CNTNAP2: variants seen among roughly 807,000 people sequenced by gnomAD.
CNTNAP2 encodes contactin-associated protein-like 2.
CNTNAP2 carries 98 observed loss-of-function variants against 155.2 expected under a neutral mutation model. The ratio of observed to expected loss-of-function variants is 0.63; its 90% CI spans 0.54 to 0.75. The LOEUF (loss-of-function observed/expected upper bound fraction) is 0.75, where lower values mean the gene tolerates loss of function less well. Ranked by LOEUF, CNTNAP2 falls within the 30% of genes least tolerant of loss-of-function variation. The pLI, the probability that CNTNAP2 is intolerant of heterozygous loss-of-function variation, is 0.00. For synonymous variants in CNTNAP2, 651 were observed against 631.2 expected (o/e 1.03, Z -0.47); for missense variants, 1,727 against 1,688.1 (o/e 1.02, Z -0.40).
chr7:146,840,111 T>C (rs1240499121), intron 3 of CNTNAP2, among the ~76,000 whole-genome samples: 3 of 152,212 alleles, frequency 2.0e-5, no homozygotes, highest in African/African-American at 7.2e-5. Flanking sequence ...ATCTGGACTA[T>C]GAATTTGAAT....
chr7:147,964,255 C>G (rs1031976365), intron 14 of CNTNAP2, among the ~76,000 whole-genome samples: 2 of 152,124 alleles, frequency 1.3e-5, no homozygotes, highest in Admixed American at 1.3e-4. Flanking sequence ...TCTTGGACTT[C>G]AAGCTTTCAA....
Position 146,404,127 on chromosome 7 carries a change from A to AAAAAAAAAAAAAC in CNTNAP2, c.97+287166_97+287167insCAAAAAAAAAAAA, listed in dbSNP as rs1259300736. ...GCGACAGAGCGAGACTCCGTCTCAA[A>AAAAAAAAAAAAAC]AAAAAAAAAAAAAAACAAAGAACTT... is the stretch of plus-strand genomic sequence containing the variant. On this transcript the variant is annotated intron_variant, in intron 1 of 23. Transcript: ENST00000361727. Among the ~76,000 whole-genome samples, 109 of 140,672 alleles carry AAAAAAAAAAAAAC rather than the reference A, an allele frequency of 7.7e-4. 2 individuals are homozygous for AAAAAAAAAAAAAC. The highest frequency in any genetic ancestry group is 2.9e-3 in the African/African-American group (102 of 35,252). 92.3% of individuals were successfully genotyped at this position (140,672 alleles called of 152,430 possible). A position where few individuals can be genotyped will look rare whatever the true frequency, so the allele number is the denominator to read the frequency against.
intron 1 of CNTNAP2, among the ~76,000 whole-genome samples, chr7:146,385,206 A>G (rs575077606): frequency 6.6e-6 from 1 of 152,230 alleles, no homozygotes; most frequent in African/African-American, 2.4e-5. Context: ...ACTGATATAA[A>G]TTATTCATAA....
intron 4 of CNTNAP2, among the ~76,000 whole-genome samples, chr7:147,056,791 G>C (rs528154712): frequency 4.0e-5 from 6 of 151,644 alleles, no homozygotes; most frequent in Non-Finnish European, 7.4e-5. Flanking sequence ...GTTTGTTTTG[G>C]AGACATTCTC....
chr7:146,735,538 G>A lies in CNTNAP2; in HGVS notation c.98-38733G>A, dbSNP rs574377565. 1.5e-3 allele frequency among the ~76,000 whole-genome samples: 230 copies of A among 152,168 alleles called. 2 individuals carry two copies. The highest frequency in any genetic ancestry group is 5.2e-3 in the African/African-American group (214 of 41,516). On this transcript the variant is annotated intron_variant, in intron 1 of 23. Coordinates refer to ENST00000361727, the MANE Select transcript of CNTNAP2 (RefSeq NM_014141.6). ...CCACTGCACTCCAGCCTGGGCAACA[G>A]AGCAAGACTCTGTCTCAAAAAAACA...
chr7:147,980,777 A>C (rs1056400689), intron 15 of CNTNAP2, among the ~76,000 whole-genome samples: 9 of 150,618 alleles, frequency 6.0e-5, no homozygotes. Flanking sequence ...ACAAAAAAAA[A>C]AAAATTAGCC....
In CNTNAP2 at chr7:146,490,499, A is replaced by T. The variant is rs753540905; in HGVS notation, c.98-283772A>T. 7.6e-4 allele frequency among the ~76,000 whole-genome samples: 116 copies of T among 152,338 alleles called. 7 individuals are homozygous for T. Among genetic ancestry groups the T allele is most frequent in the Non-Finnish European group, 1.9e-4 (13 of 68,026 alleles). ...TTTCCCGCGACATAACTTTTGAGTA[A>T]AGGCTGATAAATGTTTGTTGAGTGA... On this transcript the variant is annotated intron_variant, in intron 1 of 23. Transcript: ENST00000361727.
intron 13 of CNTNAP2, among the ~76,000 whole-genome samples, chr7:147,822,922 A>G (rs1397315513): frequency 2.0e-5 from 3 of 152,176 alleles, no homozygotes; most frequent in Non-Finnish European, 4.4e-5. Flanking sequence ...TCAACTCTGC[A>G]AGAGACAAGG....
At chr7:148,057,852 T>A (rs1190099759) in intron 15 of CNTNAP2, among the ~76,000 whole-genome samples, 1 of 151,966 alleles carries the variant, frequency 6.6e-6, no homozygotes, top group Non-Finnish European at 1.5e-5. Context: ...GTTATTTCAC[T>A]TCTCTAAGCT....
At chr7:147,178,995 G>A (rs1313377936) in intron 8 of CNTNAP2, among the ~76,000 whole-genome samples, 3 of 152,050 alleles carry the variant, frequency 2.0e-5, no homozygotes, top group African/African-American at 7.2e-5. Context: ...TCAGGGTGCT[G>A]GAGTTCAGGG....
At chr7:146,277,399 T>C (rs1213360053) in intron 1 of CNTNAP2, among the ~76,000 whole-genome samples, 1 of 152,116 alleles carries the variant, frequency 6.6e-6, no homozygotes, top group East Asian at 1.9e-4. Context: ...TGATGTTACA[T>C]TGAACAAGGA....
At chr7:147,570,237 C>T (rs1023307085) in intron 12 of CNTNAP2, among the ~76,000 whole-genome samples, 3 of 152,172 alleles carry the variant, frequency 2.0e-5, no homozygotes, top group African/African-American at 4.8e-5. Flanking sequence ...GATGGCCCCA[C>T]CCCCAGTCTA....
At chr7:147,920,805 C>CTTTTTTTT (rs1219556681) in intron 14 of CNTNAP2, among the ~76,000 whole-genome samples, 2 of 100,652 alleles carry the variant, frequency 2.0e-5, no homozygotes, top group African/African-American at 8.2e-5. Context: ...CTGCTCCTGT[C>CTTTTTTTT]TTTTTTTTTT....
chr7:147,068,791 C>T (rs1463841042), intron 4 of CNTNAP2, among the ~76,000 whole-genome samples: 1 of 152,244 alleles, frequency 6.6e-6, no homozygotes, highest in African/African-American at 2.4e-5. Flanking sequence ...ACTGCCAAAT[C>T]ATCCCCTACA....
intron 11 of CNTNAP2, among the ~76,000 whole-genome samples, chr7:147,540,838 A>G (rs1020486525): frequency 2.0e-5 from 3 of 151,962 alleles, no homozygotes; most frequent in Non-Finnish European, 4.4e-5. Context: ...TCAAAAAAAA[A>G]AGAAACAAGT....
rs188752986 is a variant in CNTNAP2, at chr7:146,150,138, T to C, written c.97+33165T>C. Among the ~76,000 whole-genome samples the C allele has an allele frequency of 4.2e-3, 645 of 152,262 alleles. 3 individuals carry two copies. Among genetic ancestry groups the C allele is most frequent in the African/African-American group, 0.015 (609 of 41,558 alleles). On this transcript the variant is annotated intron_variant, in intron 1 of 23. Coordinates refer to ENST00000361727, the MANE Select transcript of CNTNAP2 (RefSeq NM_014141.6). Reference sequence around the variant, plus strand: ...TGCACTGTTTACAAAGATAAATGTCTGATAAGCACAAAACATTTAATGTAA... The same window carrying C: ...TGCACTGTTTACAAAGATAAATGTCCGATAAGCACAAAACATTTAATGTAA...
At chr7:148,343,374 C>T (rs1334322647) in intron 21 of CNTNAP2, among the ~76,000 whole-genome samples, 4 of 152,218 alleles carry the variant, frequency 2.6e-5, no homozygotes, top group Non-Finnish European at 5.9e-5. Flanking sequence ...GTCGTCTCAG[C>T]ATTTGTCAAT....
chr7:147,211,159 A>G (rs561765253), intron 8 of CNTNAP2, among the ~76,000 whole-genome samples: 1 of 152,046 alleles, frequency 6.6e-6, no homozygotes, highest in Non-Finnish European at 1.5e-5. Context: ...AATTAGTCAA[A>G]TGTCAAATTT....
chr7:147,502,799 TTTA>T (rs1424821853), intron 11 of CNTNAP2, among the ~76,000 whole-genome samples: 1 of 70,834 alleles, frequency 1.4e-5, no homozygotes, highest in African/African-American at 6.4e-5. Flanking sequence ...TATATACAAT[TTTA>T]TTTGTCATGT....
Sources: allele counts gnomAD v4.1 joint callset (sites outside exome capture counted in the v4.1 genomes callset), GRCh38; gene constraint gnomAD v4.1.1; transcripts MANE v1.5; gene names NCBI Gene and HGNC (gene_info 2026-07-23, HGNC 2026-07-21).